Variants in LIMA1 observed in about 807,000 individuals in gnomAD.
LIMA1 encodes the protein LIM domain and actin binding 1, also known as LIM domain and actin-binding protein 1.
In LIMA1, 52 loss-of-function variants were observed where a neutral mutation model predicts 62.6. The ratio of observed to expected loss-of-function variants is 0.83; its 90% CI spans 0.67 to 1.05. The LOEUF (loss-of-function observed/expected upper bound fraction) is 1.05, where lower values mean the gene tolerates loss of function less well. LIMA1 is among the 50% of genes least tolerant of loss of function. The probability of loss-of-function intolerance (pLI) is 0.00; values close to 1 mark genes in which losing one functional copy is unlikely to be tolerated. For synonymous variants in LIMA1, 302 were observed against 317.8 expected, an observed-to-expected ratio of 0.95 and a Z score of 0.53; for missense variants, 780 against 902.2, an observed-to-expected ratio of 0.86 and a Z score of 1.74.
intron 2 of LIMA1, among the ~76,000 whole-genome samples, chr12:50,242,224 T>C (rs912505411): frequency 6.6e-6 from 1 of 152,012 alleles, no homozygotes; most frequent in African/African-American, 2.4e-5. Context: ...AGCAATGTAT[T>C]TTCTTCTGGA....
chr12:50,211,050 G>T (rs1344132415), intron 4 of LIMA1, among the ~76,000 whole-genome samples: 1 of 152,150 alleles, frequency 6.6e-6, no homozygotes, highest in Non-Finnish European at 1.5e-5. Context: ...GGCTGGGCAT[G>T]GTGGCTCATG....
At chr12:50,194,792 A>T (rs1940892159) in intron 8 of LIMA1, among the ~76,000 whole-genome samples, 2 of 152,092 alleles carry the variant, frequency 1.3e-5, no homozygotes, top group South Asian at 4.2e-4. Context: ...TCACGCCTGT[A>T]ATCCTAGCAC....
At chr12:50,218,787 G>A (rs1461947025) in intron 4 of LIMA1, among the ~76,000 whole-genome samples, 1 of 151,630 alleles carries the variant, frequency 6.6e-6, no homozygotes, top group Non-Finnish European at 1.5e-5. Context: ...CACACCTGTG[G>A]CCCCAGCTAT....
At chr12:50,232,308 T>G (rs574204384) in intron 2 of LIMA1, among the ~76,000 whole-genome samples, 5 of 151,720 alleles carry the variant, frequency 3.3e-5, no homozygotes, top group Non-Finnish European at 5.9e-5. Flanking sequence ...GTGATCCTCA[T>G]GCTTCAGCCT....
intron 2 of LIMA1, among the ~76,000 whole-genome samples, chr12:50,241,578 T>A (rs1941776747): frequency 6.6e-6 from 1 of 152,200 alleles, no homozygotes; most frequent in South Asian, 2.1e-4. Flanking sequence ...CTGTCTTTAA[T>A]CCTGTTCTCA....
intron 1 of LIMA1, among the ~76,000 whole-genome samples, chr12:50,255,037 A>AC (rs796859692): frequency 1.0e-3 from 92 of 88,414 alleles, no homozygotes; most frequent in African/African-American, 6.1e-3. Context: ...CAAAACCAAA[A>AC]AAAACAAAAC....
At chr12:50,197,255 G>A (rs1481761296) in intron 7 of LIMA1, among the ~76,000 whole-genome samples, 1 of 151,928 alleles carries the variant, frequency 6.6e-6, no homozygotes, top group African/African-American at 2.4e-5. Context: ...ATTTTTAGTA[G>A]AGCAGGGTTT....
intron 3 of LIMA1, among the ~76,000 whole-genome samples, chr12:50,231,064 T>C (rs1195628433): frequency 1.3e-5 from 2 of 152,166 alleles, no homozygotes; most frequent in Non-Finnish European, 2.9e-5. Context: ...TGACCAAACA[T>C]ATGAGTTTTT....
rs140263879 is a variant in LIMA1 at position 50,178,054 on chromosome 12, T to C, written c.1290A>G (p.Ala430=). Residue 430 remains alanine (A), a synonymous_variant, in exon 11 of 11, where the codon GCA becomes GCG. Transcript: ENST00000341247. The stretch of plus-strand genomic sequence containing the variant: ...TACAATAGATTCTTCCATGTAAAGA[T>C]GCATATGTTCCTAGACTGTCATTAA... ...CNNKLSLGTY[A]SLHGRIYCKP... The C allele has an allele frequency of 7.2e-6, 11 of 1,531,222 alleles. No homozygotes were observed. Among genetic ancestry groups the C allele is most frequent in the African/African-American group, 7.0e-5 (5 of 71,672 alleles). 94.9% of individuals were successfully genotyped at this position (1,531,222 alleles called of 1,614,324 possible). A position where few individuals can be genotyped will look rare whatever the true frequency, so the allele number is the denominator to read the frequency against.
At chr12:50,207,618 G>A (rs1467578359) in intron 4 of LIMA1, among the ~76,000 whole-genome samples, 4 of 152,164 alleles carry the variant, frequency 2.6e-5, no homozygotes, top group African/African-American at 9.7e-5. Flanking sequence ...ACTGGGCATG[G>A]TGGCTCACAC....
At chr12:50,181,083 C>T (rs1476701034) in intron 10 of LIMA1, among the ~76,000 whole-genome samples, 1 of 148,104 alleles carries the variant, frequency 6.8e-6, no homozygotes, top group Non-Finnish European at 1.5e-5. Context: ...CTGCACTCCA[C>T]CCTGGGCAAC....
intron 4 of LIMA1, among the ~76,000 whole-genome samples, chr12:50,220,924 A>G (rs1362983): frequency 0.32 from 48,839 of 152,076 alleles, 8,128 homozygotes; most frequent in South Asian, 0.48. Context: ...CACATCGTCA[A>G]AAACTCGCAC....
intron 1 of LIMA1, among the ~76,000 whole-genome samples, chr12:50,264,151 G>C (rs1446347668): frequency 6.6e-6 from 1 of 151,828 alleles, no homozygotes; most frequent in Admixed American, 6.6e-5. Context: ...TTATATGAAA[G>C]GTCCAGAACA....
chr12:50,223,300 T>G (rs1279959183), intron 3 of LIMA1, among the ~76,000 whole-genome samples: 1 of 151,718 alleles, frequency 6.6e-6, no homozygotes, highest in Non-Finnish European at 1.5e-5. Context: ...CAGACCAACA[T>G]GGAGAAACCC....
chr12:50,244,568 A>C (rs1941822152), intron 2 of LIMA1, among the ~76,000 whole-genome samples: 1 of 152,158 alleles, frequency 6.6e-6, no homozygotes, highest in Non-Finnish European at 1.5e-5. Context: ...TCAAGGGTCT[A>C]GCATGGTGCC....
At chr12:50,236,626 T>G (rs1054805065) in intron 2 of LIMA1, among the ~76,000 whole-genome samples, 1 of 133,582 alleles carries the variant, frequency 7.5e-6, no homozygotes, top group Non-Finnish European at 1.7e-5. Flanking sequence ...AAAGCTAATA[T>G]GCAGGGGGTT....
Position 50,185,516 on chromosome 12 carries a change from C to A in LIMA1, c.1141-3479G>T. The A allele has an allele frequency of 4.4e-6, 2 of 454,364 alleles. 1 individual carries two copies. Among genetic ancestry groups the A allele is most frequent in the Non-Finnish European group, 8.8e-6 (2 of 226,060 alleles). The allele number at this position is 454,364 out of a possible 1,614,324, so 28.1% of individuals were successfully genotyped here. On this transcript the variant is annotated intron_variant, in intron 9 of 10. Transcript: ENST00000341247. ...TGGCGTGCCCTGGAGAGCTTTACTG[C>A]AGCTGAGCTGAAACTCAGAGACTCA...
intron 7 of LIMA1, among the ~76,000 whole-genome samples, chr12:50,199,546 C>T (rs970934565): frequency 1.3e-5 from 2 of 152,054 alleles, no homozygotes; most frequent in Non-Finnish European, 2.9e-5. Context: ...TCCTGTATAC[C>T]CCTCTCACAG....
chr12:50,242,934 C>T (rs766589355), intron 2 of LIMA1, among the ~76,000 whole-genome samples: 1 of 152,158 alleles, frequency 6.6e-6, no homozygotes, highest in Non-Finnish European at 1.5e-5. Context: ...TTAAAAACTA[C>T]CAGGCTAGAT....
Sources: allele counts gnomAD v4.1 joint callset (sites outside exome capture counted in the v4.1 genomes callset), GRCh38; gene constraint gnomAD v4.1.1; transcripts MANE v1.5; gene names NCBI Gene and HGNC (gene_info 2026-07-23, HGNC 2026-07-21).